Variants in CELF4 observed in about 807,000 individuals in gnomAD.
CELF4 encodes CUG-BP- and ETR-3-like factor 4.
In CELF4, 18 loss-of-function variants were observed where a neutral mutation model predicts 59.9. The ratio of observed to expected loss-of-function variants is 0.30; its 90% confidence interval spans 0.21 to 0.45. CELF4 has a LOEUF of 0.45. Ranked by LOEUF, CELF4 falls within the 20% of genes least tolerant of loss-of-function variation. The pLI is 1.00. For missense variants in CELF4, 456 were observed against 689.0 expected, an observed-to-expected ratio of 0.66 and a Z score of 3.79; for synonymous variants, 261 against 267.1, an observed-to-expected ratio of 0.98 and a Z score of 0.22.
chr18:37,327,296 T>C (rs1235876861), intron 2 of CELF4, among the ~76,000 whole-genome samples: 2 of 152,212 alleles, frequency 1.3e-5, no homozygotes, highest in South Asian at 4.1e-4. Flanking sequence ...CCTCCCTGTC[T>C]GAGAAGGTGG....
chr18:37,363,408 C>T (rs564683671), intron 2 of CELF4, among the ~76,000 whole-genome samples: 10 of 152,302 alleles, frequency 6.6e-5, no homozygotes, highest in African/African-American at 1.2e-4. Flanking sequence ...ACATTCTTCA[C>T]GTGAGAGACT....
chr18:37,264,966 A>G (rs1212030654), intron 9 of CELF4, among the ~76,000 whole-genome samples: 1 of 151,608 alleles, frequency 6.6e-6, no homozygotes, highest in African/African-American at 2.4e-5. Context: ...GGGTGTGTGT[A>G]CGTGTGTGTG....
intron 2 of CELF4, among the ~76,000 whole-genome samples, chr18:37,339,076 C>G (rs1373145430): frequency 6.6e-6 from 1 of 152,166 alleles, no homozygotes; most frequent in Non-Finnish European, 1.5e-5. Flanking sequence ...GCACAGGAGG[C>G]GCAGCCCAAT....
chr18:37,330,510 T>C (rs1412848817), intron 2 of CELF4, among the ~76,000 whole-genome samples: 1 of 152,212 alleles, frequency 6.6e-6, no homozygotes, highest in Non-Finnish European at 1.5e-5. Flanking sequence ...TCAAGAAATC[T>C]CATCTGTTGT....
At chr18:37,469,845 C>A (rs1386687232) in intron 2 of CELF4, among the ~76,000 whole-genome samples, 2 of 152,168 alleles carry the variant, frequency 1.3e-5, no homozygotes, top group African/African-American at 4.8e-5. Context: ...AACATCCAGG[C>A]ACGGTGCAGG....
chr18:37,476,371 C>T (rs1306928238), intron 2 of CELF4, among the ~76,000 whole-genome samples: 1 of 152,182 alleles, frequency 6.6e-6, no homozygotes, highest in Non-Finnish European at 1.5e-5. Context: ...GAAGGGGATG[C>T]CACCCACATG....
intron 1 of CELF4, among the ~76,000 whole-genome samples, chr18:37,492,955 T>C (rs1364786962): frequency 1.3e-5 from 2 of 152,196 alleles, no homozygotes; most frequent in African/African-American, 4.8e-5. Flanking sequence ...CAGCCAAGGT[T>C]GACCCTCCTG....
At chr18:37,334,856 A>G (rs2097706433) in intron 2 of CELF4, among the ~76,000 whole-genome samples, 1 of 152,148 alleles carries the variant, frequency 6.6e-6, no homozygotes, top group Non-Finnish European at 1.5e-5. Context: ...ACAAATCGAG[A>G]GGAAATTGCT....
chr18:37,364,163 A>G (rs2098745889), intron 2 of CELF4, among the ~76,000 whole-genome samples: 1 of 152,100 alleles, frequency 6.6e-6, no homozygotes, highest in East Asian at 1.9e-4. Context: ...GTTTGCACTT[A>G]GGCTTGGGGA....
intron 3 of CELF4, among the ~76,000 whole-genome samples, chr18:37,319,756 G>A (rs938048732): frequency 2.0e-5 from 3 of 152,234 alleles, no homozygotes; most frequent in Non-Finnish European, 4.4e-5. Flanking sequence ...GAAATTCCTC[G>A]GTTCCTGGCT....
intron 3 of CELF4, among the ~76,000 whole-genome samples, chr18:37,282,909 G>C (rs1327577230): frequency 3.9e-5 from 6 of 152,202 alleles, no homozygotes; most frequent in Non-Finnish European, 7.3e-5. Flanking sequence ...CAGCTGGGCT[G>C]GGAGCCGCCT....
chr18:37,360,060 C>G (rs901161005), intron 2 of CELF4, among the ~76,000 whole-genome samples: 9 of 151,352 alleles, frequency 5.9e-5, no homozygotes, highest in Non-Finnish European at 1.3e-4. Context: ...ACCATGTTGG[C>G]CAGACTGGTC....
intron 3 of CELF4, among the ~76,000 whole-genome samples, chr18:37,313,449 G>A (rs191139603): frequency 7.9e-5 from 12 of 152,246 alleles, no homozygotes; most frequent in Non-Finnish European, 1.6e-4. Flanking sequence ...TTTGTAAAGC[G>A]GGGCCAGCTT....
chr18:37,409,726 AG>A (rs1163980576), intron 2 of CELF4, among the ~76,000 whole-genome samples: 3 of 152,034 alleles, frequency 2.0e-5, no homozygotes, highest in Non-Finnish European at 4.4e-5. Context: ...CATGGTAGGG[AG>A]GGGACAGAAG....
chr18:37,416,301 C>T (rs2099528072), intron 2 of CELF4, among the ~76,000 whole-genome samples: 1 of 152,152 alleles, frequency 6.6e-6, no homozygotes, highest in South Asian at 2.1e-4. Flanking sequence ...TTTGCTCTTG[C>T]CTGTAATCCT....
intron 2 of CELF4, among the ~76,000 whole-genome samples, chr18:37,415,255 G>C (rs939214301): frequency 6.6e-6 from 1 of 152,238 alleles, no homozygotes; most frequent in Non-Finnish European, 1.5e-5. Context: ...CACATGGAAG[G>C]CATGTTTAGA....
rs559850788 is a variant in CELF4 at position 37,374,226 on chromosome 18, T to C, written c.370-52345A>G. ...TGCACCCTTCCTTAGTTCAGCCCTT[T>C]GAAGCCTCAATGTGACTAATTTGTA... On this transcript the variant is annotated intron_variant, in intron 2 of 12. Transcript: ENST00000420428. 1.8e-4 allele frequency among the ~76,000 whole-genome samples: 27 copies of C among 152,346 alleles called. No individual in the cohort carries two copies. The South Asian group carries it at 5.4e-3, about 30-fold the overall frequency.
intron 1 of CELF4, among the ~76,000 whole-genome samples, chr18:37,550,919 C>G (rs968829636): frequency 7.2e-5 from 11 of 152,206 alleles, no homozygotes; most frequent in African/African-American, 2.7e-4. Context: ...CCATTAGCCA[C>G]CAGGGACACA....
intron 2 of CELF4, among the ~76,000 whole-genome samples, chr18:37,393,097 AGAGAGACACAGGGACTG>A (rs2099186065): frequency 6.8e-5 from 4 of 58,630 alleles, no homozygotes; most frequent in Admixed American, 6.7e-4. Flanking sequence ...GCGGTGTGTT[AGAGAGACACAGGGACTG>A]CGGTGTGTTG....
Sources: allele counts gnomAD v4.1 joint callset (sites outside exome capture counted in the v4.1 genomes callset), GRCh38; gene constraint gnomAD v4.1.1; transcripts MANE v1.5; gene names NCBI Gene and HGNC (gene_info 2026-07-23, HGNC 2026-07-21).